CALD1: variants seen among roughly 807,000 people sequenced by gnomAD.
CALD1 encodes the protein caldesmon.
A neutral mutation model predicts 99.9 loss-of-function variants in CALD1; 33 were observed. The ratio of observed to expected loss-of-function variants is 0.33; its 90% CI spans 0.25 to 0.44. CALD1 has a LOEUF of 0.44. CALD1 is among the 20% of genes least tolerant of loss of function. CALD1 has a pLI of 1.00. For missense variants in CALD1, 861 were observed against 962.1 expected (o/e 0.89, Z 1.39); for synonymous variants, 310 against 325.0 (o/e 0.95, Z 0.50).
intron 8 of CALD1, 50 bp from the exon 9 acceptor site, chr7:134,950,324 T>C: frequency 6.3e-7 from 1 of 1,597,704 alleles, no homozygotes; most frequent in South Asian, 1.1e-5. Flanking sequence ...CTCTTCCCTT[T>C]GGCTGTGAAG....
the CALD1 span, among the ~76,000 whole-genome samples, chr7:134,716,212 T>G: frequency 2.0e-5 from 3 of 152,302 alleles, no homozygotes; most frequent in Non-Finnish European, 4.4e-5. Flanking sequence ...TCTAAGTAGA[T>G]GTACTCTGAG....
At chr7:134,731,638 C>T in the CALD1 span, among the ~76,000 whole-genome samples, 1 of 145,144 alleles carries the variant, frequency 6.9e-6, no homozygotes, top group African/African-American at 2.6e-5. Context: ...CCCTTTCATC[C>T]CTGTGTCTCC....
intron 1 of CALD1, among the ~76,000 whole-genome samples, chr7:134,751,396 A>T (rs925640368): frequency 6.6e-6 from 1 of 152,144 alleles, no homozygotes; most frequent in African/African-American, 2.4e-5. Flanking sequence ...CCTTATTCAT[A>T]TTCTCATCTT....
intron 1 of CALD1, among the ~76,000 whole-genome samples, chr7:134,788,690 A>G (rs1026599885): frequency 3.9e-5 from 6 of 152,174 alleles, no homozygotes; most frequent in Admixed American, 6.5e-5. Context: ...TCCTGCACAT[A>G]GTATTAATAA....
chr7:134,748,056 T>C (rs1483114249), intron 1 of CALD1, among the ~76,000 whole-genome samples: 1 of 152,242 alleles, frequency 6.6e-6, no homozygotes, highest in South Asian at 2.1e-4. Context: ...GCCATCCCAG[T>C]GGGTCTGCAA....
intron 1 of CALD1, among the ~76,000 whole-genome samples, chr7:134,838,762 TTGTC>T (rs1253016306): frequency 6.6e-6 from 1 of 152,208 alleles, no homozygotes; most frequent in Non-Finnish European, 1.5e-5. Flanking sequence ...CTCTCACTGT[TTGTC>T]TTTCTTTTTA....
the CALD1 span, among the ~76,000 whole-genome samples, chr7:134,729,661 C>T: frequency 1.3e-5 from 2 of 152,232 alleles, no homozygotes; most frequent in Non-Finnish European, 2.9e-5. Context: ...GTACAGATGG[C>T]CTCTGCCACA....
At position 134,872,963 on chromosome 7, in the gene CALD1, A is replaced by T. The variant is rs937890281; in HGVS notation, c.71+5159A>T. Among the ~76,000 whole-genome samples the T allele has an allele frequency of 5.3e-5, 8 of 152,112 alleles. No homozygotes were observed. The East Asian group carries it at 1.4e-3, about 26-fold the overall frequency. The stretch of plus-strand genomic sequence containing the variant: ...TTTGGGAGGCCAAGGCAGGCAGATC[A>T]CTTGAGGCCAGGAGTTCGAAACCAG... On this transcript the variant is annotated intron_variant, in intron 3 of 14. Coordinates refer to ENST00000361675, the MANE Select transcript of CALD1 (RefSeq NM_033138.4).
upstream of CALD1, among the ~76,000 whole-genome samples, chr7:134,778,668 C>T (rs1385584923): frequency 6.6e-6 from 1 of 152,198 alleles, no homozygotes; most frequent in Non-Finnish European, 1.5e-5. Flanking sequence ...AGCACACATC[C>T]TAACCATGAA....
intron 9 of CALD1, among the ~76,000 whole-genome samples, chr7:134,954,605 GAGT>G (rs1388018153): frequency 6.6e-6 from 1 of 152,134 alleles, no homozygotes; most frequent in Non-Finnish European, 1.5e-5. Flanking sequence ...GCAAAAGGAG[GAGT>G]AGGAATCTGA....
chr7:134,872,483 A>G (rs1192502612), intron 3 of CALD1, among the ~76,000 whole-genome samples: 2 of 152,062 alleles, frequency 1.3e-5, no homozygotes, highest in Non-Finnish European at 2.9e-5. Flanking sequence ...TTCTTGAGAT[A>G]AGGTCTTTAG....
chr7:134,856,974 G>A (rs192386629), intron 2 of CALD1, among the ~76,000 whole-genome samples: 36 of 152,242 alleles, frequency 2.4e-4, no homozygotes, highest in African/African-American at 8.2e-4. Context: ...TAAGAACTTT[G>A]AGGGATCACG....
At chr7:134,871,645 C>T (rs1305443529) in intron 3 of CALD1, among the ~76,000 whole-genome samples, 1 of 152,198 alleles carries the variant, frequency 6.6e-6, no homozygotes, top group Non-Finnish European at 1.5e-5. Flanking sequence ...CACCTGACCC[C>T]TGCAGACAGT....
intron 3 of CALD1, among the ~76,000 whole-genome samples, chr7:134,880,192 G>A (rs1465031352): frequency 6.6e-6 from 1 of 152,072 alleles, no homozygotes; most frequent in Non-Finnish European, 1.5e-5. Context: ...TTGTCCAGTG[G>A]GAATTTTGCA....
chr7:134,760,511 G>T lies in CALD1; in HGVS notation c.-130+16148G>T, dbSNP rs531189461. On this transcript the variant is annotated intron_variant, in intron 1 of 13. Coordinates refer to the CALD1 transcript ENST00000417172. ...TTATATCATAACTTGCACACTGACT[G>T]AAGTTTTTCCTATTACAGTATCTCT... Among the ~76,000 whole-genome samples, 154 of 152,292 alleles carry T rather than the reference G, an allele frequency of 1.0e-3. 2 individuals are homozygous for T. Among genetic ancestry groups the T allele is most frequent in the Non-Finnish European group, 1.2e-3 (83 of 68,032 alleles).
At position 134,813,221 on chromosome 7, in the gene CALD1, G is replaced by A. The variant is rs549483299; in HGVS notation, c.-129-30663G>A. On this transcript the variant is annotated intron_variant, in intron 1 of 14. Coordinates refer to ENST00000361675, the MANE Select transcript of CALD1 (RefSeq NM_033138.4). Reference sequence around the variant, plus strand: ...ACAGAAGATGGGAGGAAAAGAACTCGGAGCAGTGAATAGAGACAACATTTT... The same window carrying A: ...ACAGAAGATGGGAGGAAAAGAACTCAGAGCAGTGAATAGAGACAACATTTT... Among the ~76,000 whole-genome samples the A allele has an allele frequency of 9.8e-5, 15 of 152,316 alleles. No individual in the cohort carries two copies. The South Asian group carries it at 1.0e-3, about 11-fold the overall frequency.
chr7:134,951,176 C>T (rs1807309523), intron 9 of CALD1, among the ~76,000 whole-genome samples: 1 of 152,132 alleles, frequency 6.6e-6, no homozygotes, highest in Admixed American at 6.5e-5. Context: ...TAGTTACCAC[C>T]CAAAGGTCTC....
chr7:134,889,803 CAG>C (rs1296070059), intron 3 of CALD1, among the ~76,000 whole-genome samples: 1 of 152,140 alleles, frequency 6.6e-6, no homozygotes, highest in East Asian at 1.9e-4. Context: ...TATGTGTAAT[CAG>C]AGATATTTAA....
Position 134,920,462 on chromosome 7 carries a change from T to C in CALD1, c.72-8292T>C, listed in dbSNP as rs1804530237. 1.2e-5 allele frequency: 12 copies of C among 1,020,262 alleles called. No individual in the cohort carries two copies. The South Asian group carries it at 2.0e-4, about 17-fold the overall frequency. The allele number at this position is 1,020,262 out of a possible 1,614,324, so 63.2% of individuals were successfully genotyped here. A position where few individuals can be genotyped will look rare whatever the true frequency, so the allele number is the denominator to read the frequency against. ...AATGATGGGAATCAAATAAAAGTAA[T>C]TGACTAAGAAGTCATCCTTTTTTGA... is the stretch of plus-strand genomic sequence containing the variant. On this transcript the variant is annotated intron_variant, in intron 3 of 14. Coordinates refer to ENST00000361675, the MANE Select transcript of CALD1 (RefSeq NM_033138.4).
Sources: allele counts gnomAD v4.1 joint callset (sites outside exome capture counted in the v4.1 genomes callset), GRCh38; gene constraint gnomAD v4.1.1; transcripts MANE v1.5; gene names NCBI Gene and HGNC (gene_info 2026-07-23, HGNC 2026-07-21).